The following EPB41L5 variants were observed in gnomAD, a reference collection of about 807,000 sequenced individuals.
EPB41L5 encodes the protein band 4.1-like protein 5.
A neutral mutation model predicts 106.6 loss-of-function variants in EPB41L5; 55 were observed. That is an observed-to-expected ratio of 0.52 (90% CI 0.42 to 0.65). The LOEUF (loss-of-function observed/expected upper bound fraction) is 0.65, where lower values mean the gene tolerates loss of function less well. EPB41L5 is among the 30% of genes least tolerant of loss of function. The pLI is 0.00. For synonymous variants in EPB41L5, 297 were observed against 306.7 expected, an observed-to-expected ratio of 0.97 and a Z score of 0.33; for missense variants, 871 against 882.1, an observed-to-expected ratio of 0.99 and a Z score of 0.16.
At position 120,062,271 on chromosome 2, in the gene EPB41L5, A is replaced by G. The variant is rs147560454; in HGVS notation, c.286-10907A>G. Reference sequence around the variant, plus strand: ...TAGAAATAAATAACATGTTAAATGTATATATGTGTATATTGTAACACACAT... The same window carrying G: ...TAGAAATAAATAACATGTTAAATGTGTATATGTGTATATTGTAACACACAT... On this transcript the variant is annotated intron_variant, in intron 3 of 24. Transcript: ENST00000263713. Among the ~76,000 whole-genome samples the G allele has an allele frequency of 3.3e-5, 5 of 152,360 alleles. 1 individual carries two copies. In the East Asian group the frequency reaches 7.7e-4, roughly 23 times the overall value.
chr2:120,037,374 C>T (rs1438522975), intron 2 of EPB41L5, among the ~76,000 whole-genome samples: 4 of 152,110 alleles, frequency 2.6e-5, no homozygotes, highest in Admixed American at 1.3e-4. Context: ...CTATCAAAAT[C>T]CAAACGATGT....
rs538312719 is a variant in EPB41L5 at position 120,105,161 on chromosome 2, T to G, written c.1337+4347T>G. The G allele has an allele frequency of 9.2e-6, 9 of 979,288 alleles. No homozygotes were observed. The African/African-American group carries it at 1.4e-4, about 15-fold the overall frequency. 60.7% of individuals were successfully genotyped at this position (979,288 alleles called of 1,614,324 possible). ...ACTATTTTTGATCCTTTTTAAACTT[T>G]AGAATTTCAAGCTCCTTGGTTTAAT... On this transcript the variant is annotated intron_variant, in intron 16 of 24. Coordinates refer to ENST00000263713, the MANE Select transcript of EPB41L5 (RefSeq NM_020909.4).
chr2:120,096,221 AT>A (rs890487308), intron 14 of EPB41L5, among the ~76,000 whole-genome samples: 1 of 148,790 alleles, frequency 6.7e-6, no homozygotes, highest in Admixed American at 6.7e-5. Context: ...TGAAATGTCC[AT>A]TTTTTTTTCA....
At chr2:120,066,785 G>T (rs1681473880) in intron 3 of EPB41L5, among the ~76,000 whole-genome samples, 1 of 152,154 alleles carries the variant, frequency 6.6e-6, no homozygotes, top group South Asian at 2.1e-4. Flanking sequence ...ATGGTTTTGG[G>T]GAGAAAATCT....
chr2:120,014,935 G>C lies in EPB41L5; in HGVS notation c.-9+1725G>C, dbSNP rs181713243. On this transcript the variant is annotated intron_variant, in intron 1 of 24. Transcript: ENST00000263713. ...AATTGGAAGAGTGCAGGTGGGAGGG[G>C]AAAAGTGAGTATGAGAAAACTTTTT... Among the ~76,000 whole-genome samples, 276 of 149,358 alleles carry C rather than the reference G, an allele frequency of 1.8e-3. 1 individual carries two copies. The highest frequency in any genetic ancestry group is 6.5e-3 in the African/African-American group (264 of 40,538).
intron 3 of EPB41L5, among the ~76,000 whole-genome samples, chr2:120,064,866 G>A (rs538189750): frequency 6.6e-6 from 1 of 152,270 alleles, no homozygotes; most frequent in Non-Finnish European, 1.5e-5. Flanking sequence ...CTTGGAATGT[G>A]GAGGAGATGA....
intron 13 of EPB41L5, among the ~76,000 whole-genome samples, chr2:120,092,688 A>C (rs1331418503): frequency 6.6e-6 from 1 of 152,170 alleles, no homozygotes; most frequent in Admixed American, 6.6e-5. Context: ...ATTTATACTC[A>C]TAAGTTTTGG....
intron 18 of EPB41L5, among the ~76,000 whole-genome samples, chr2:120,141,601 A>C (rs999814640): frequency 2.0e-5 from 3 of 152,150 alleles, no homozygotes; most frequent in Admixed American, 2.0e-4. Context: ...GGGAGGTTCA[A>C]CTATTTTTTT....
intron 2 of EPB41L5, among the ~76,000 whole-genome samples, chr2:120,035,448 G>A (rs762308809): frequency 1.2e-4 from 19 of 152,162 alleles, no homozygotes; most frequent in South Asian, 1.2e-3. Context: ...GGGCTTACCT[G>A]TTTTGTTTTC....
At position 120,129,366 on chromosome 2, in the gene EPB41L5, T is replaced by A. The variant is rs1235431968; in HGVS notation, c.1501+1515T>A. Among the ~76,000 whole-genome samples, 3 of 133,692 alleles carry A rather than the reference T, an allele frequency of 2.2e-5. No individual in the cohort carries two copies. The East Asian group carries it at 6.9e-4, about 31-fold the overall frequency. 87.7% of individuals were successfully genotyped at this position (133,692 alleles called of 152,430 possible). ...AAAAAAGAAAGAAAGAAAGAAAAAA[T>A]TAAAAAAAGAAATTTGCTTTTCGTT... On this transcript the variant is annotated intron_variant, in intron 17 of 24. Transcript: ENST00000263713.
intron 16 of EPB41L5, among the ~76,000 whole-genome samples, chr2:120,120,064 A>G (rs1476011003): frequency 6.6e-6 from 1 of 152,182 alleles, no homozygotes; most frequent in Non-Finnish European, 1.5e-5. Context: ...CACTGTATTT[A>G]TTGTAACCTC....
chr2:120,078,693 A>G (rs2105332261), intron 10 of EPB41L5, 112 bp downstream of exon 10: 8 of 650,500 alleles, frequency 1.2e-5, no homozygotes, highest in Middle Eastern at 4.4e-4. Flanking sequence ...AAACTTGTCA[A>G]TGAAAGCAAC....
intron 5 of EPB41L5, among the ~76,000 whole-genome samples, chr2:120,075,119 C>T (rs1328333868): frequency 3.9e-5 from 6 of 152,198 alleles, no homozygotes; most frequent in Non-Finnish European, 7.3e-5. Context: ...TGAGCCACTG[C>T]ACCAGGCCTT....
chr2:120,017,840 C>T (rs368189421), intron 1 of EPB41L5, among the ~76,000 whole-genome samples: 13 of 152,290 alleles, frequency 8.5e-5, no homozygotes, highest in East Asian at 1.9e-4. Context: ...CTCTGCCACC[C>T]GGGCTGGAGT....
intron 16 of EPB41L5, among the ~76,000 whole-genome samples, chr2:120,123,067 A>C (rs1685299345): frequency 6.6e-6 from 1 of 152,186 alleles, no homozygotes. Flanking sequence ...TGGGCTCAGC[A>C]GTCCTTGAGC....
intron 3 of EPB41L5, among the ~76,000 whole-genome samples, chr2:120,051,260 C>T (rs962218145): frequency 1.3e-5 from 2 of 152,204 alleles, no homozygotes; most frequent in East Asian, 1.9e-4. Context: ...GAGGTGGAGT[C>T]TACAGAGGCA....
At chr2:120,077,692 G>T (rs546977505) in intron 9 of EPB41L5, among the ~76,000 whole-genome samples, 1 of 129,576 alleles carries the variant, frequency 7.7e-6, no homozygotes, top group African/African-American at 2.6e-5. Flanking sequence ...ATGCAAAGTT[G>T]AAGATTTATA....
chr2:120,111,476 C>A (rs916872818), intron 16 of EPB41L5, among the ~76,000 whole-genome samples: 1 of 152,150 alleles, frequency 6.6e-6, no homozygotes, highest in Non-Finnish European at 1.5e-5. Context: ...GTTTCACATG[C>A]CCTCCTGGAG....
intron 14 of EPB41L5, among the ~76,000 whole-genome samples, chr2:120,094,967 G>A (rs745368820): frequency 1.4e-4 from 22 of 152,044 alleles, no homozygotes; most frequent in Non-Finnish European, 4.4e-5. Context: ...CCCTCCATAT[G>A]AGTCACCCAG....
Sources: allele counts gnomAD v4.1 joint callset (sites outside exome capture counted in the v4.1 genomes callset), GRCh38; gene constraint gnomAD v4.1.1; transcripts MANE v1.5; gene names NCBI Gene and HGNC (gene_info 2026-07-23, HGNC 2026-07-21).